Variants in PTCH1 observed in about 807,000 individuals in gnomAD.
PTCH1 encodes patched 1.
Under a neutral mutation model 144.6 loss-of-function variants are expected in PTCH1, and 14 were observed. The observed-to-expected ratio is 0.10, with a 90% CI of 0.06 to 0.15. The LOEUF (loss-of-function observed/expected upper bound fraction) is 0.15, where lower values mean the gene tolerates loss of function less well. Ranked by LOEUF, PTCH1 falls within the 10% of genes least tolerant of loss-of-function variation. The pLI, the probability that PTCH1 is intolerant of heterozygous loss-of-function variation, is 1.00. For synonymous variants in PTCH1, 833 were observed against 793.6 expected (o/e 1.05, Z -0.83); for missense variants, 1,623 against 1,948.3 (o/e 0.83, Z 3.14).
At chr9:95,479,677 T>C (rs1383612153) in intron 7 of PTCH1, among the ~76,000 whole-genome samples, 1 of 152,208 alleles carries the variant, frequency 6.6e-6, no homozygotes, top group African/African-American at 2.4e-5. Context: ...CCCGGCCTAC[T>C]TTACACCTGC....
In PTCH1 at chr9:95,469,168, A is replaced by AC; in HGVS notation, c.1848-16_1848-15insG. The stretch of plus-strand genomic sequence containing the variant: ...TGACGCAGGGGCTGAAAGGAGGGGA[A>AC]ACATGTTGCAATGTTATGCTGAAAC... On this transcript the variant is annotated splice_polypyrimidine_tract_variant and intron_variant, in intron 13 of 23. Coordinates refer to ENST00000331920, the MANE Select transcript of PTCH1 (RefSeq NM_000264.5). 6.2e-7 allele frequency: 1 copy of AC among 1,613,978 alleles called. No homozygotes were observed. The highest frequency in any genetic ancestry group is 8.5e-7 in the Non-Finnish European group (1 of 1,180,002).
rs1837633346 is a variant in PTCH1, at chr9:95,443,388, A to T, written c.*3005T>A. ...TCTCTCCCAAGTATTTTAAAGAAAA[A>T]AAGCATTCTACAAACAAAGATATAA... On this transcript the variant is annotated 3_prime_UTR_variant, in exon 24 of 24. Coordinates refer to ENST00000331920, the MANE Select transcript of PTCH1 (RefSeq NM_000264.5). 1 of 152,618 alleles carries T rather than the reference A, an allele frequency of 6.6e-6. No homozygotes were observed. The highest frequency in any genetic ancestry group is 2.1e-4 in the South Asian group (1 of 4,834). The allele number at this position is 152,618 out of a possible 1,614,324, so 9.5% of individuals were successfully genotyped here. A position where few individuals can be genotyped will look rare whatever the true frequency, so the allele number is the denominator to read the frequency against.
chr9:95,508,030 G>C lies in PTCH1; in HGVS notation c.201+131C>G. 2.0e-6 allele frequency: 3 copies of C among 1,520,094 alleles called. No homozygotes were observed. The Admixed American group carries it at 6.0e-5, about 30-fold the overall frequency. The allele number at this position is 1,520,094 out of a possible 1,614,324, so 94.2% of individuals were successfully genotyped here. A position where few individuals can be genotyped will look rare whatever the true frequency, so the allele number is the denominator to read the frequency against. The stretch of plus-strand genomic sequence containing the variant: ...CCATTTGTCTGCTGCTTTTCCTGGA[G>C]AGGTGTGAGTGAGTGTGTGTGTGTG... On this transcript the variant is annotated intron_variant, in intron 1 of 23. Coordinates refer to ENST00000331920, the MANE Select transcript of PTCH1 (RefSeq NM_000264.5).
At chr9:95,514,530 T>A (rs1844280183) in intron 1 of PTCH1, 1 of 152,196 alleles carries the variant, frequency 6.6e-6, no homozygotes, top group African/African-American at 2.4e-5. Flanking sequence ...ATTGTGTGTC[T>A]TTCTTTCATA....
rs1324810306 is a variant in PTCH1 at position 95,476,948 on chromosome 9, A to G, written c.1504-91T>C. On this transcript the variant is annotated intron_variant, in intron 10 of 23. Coordinates refer to ENST00000331920, the MANE Select transcript of PTCH1 (RefSeq NM_000264.5). The surrounding 1 kb of genome is among the most constrained non-coding windows in gnomAD (Gnocchi z 4.6). ...AGTTAGGACTCTGCCACCAGCACCT[A>G]ACAGCTCCTGAAGCAGGGCTTCCGT... is the stretch of plus-strand genomic sequence containing the variant. 7 of 1,210,976 alleles carry G rather than the reference A, an allele frequency of 5.8e-6. No homozygotes were observed. Among genetic ancestry groups the G allele is most frequent in the Non-Finnish European group, 7.2e-6 (6 of 833,102 alleles). 75.0% of individuals were successfully genotyped at this position (1,210,976 alleles called of 1,614,324 possible).
rs1352235060 is a variant in PTCH1 at position 95,467,136 on chromosome 9, T to C, written c.2540A>G (p.Tyr847Cys). 3.1e-6 allele frequency: 5 copies of C among 1,614,202 alleles called. No homozygotes were observed. Among genetic ancestry groups the C allele is most frequent in the Admixed American group, 3.3e-5 (2 of 60,032 alleles). Residue 847 changes from tyrosine (Y) to cysteine (C), a missense_variant, in exon 15 of 24, where the codon TAC becomes TGC. Transcript: ENST00000331920. ...NKQLPKMWLH[Y>C]FRDWLQGLQD... ...CTTACCCTGAAGCCAGTCTCTGAAG[T>C]AGTGCAGCCACATTTTGGGAAGCTG...
chr9:95,507,447 G>A (rs1256619611), intron 1 of PTCH1: 1 of 985,038 alleles, frequency 1.0e-6, no homozygotes, highest in African/African-American at 1.7e-5. Flanking sequence ...AGCGAGCCTC[G>A]TAAACACAAT....
At chr9:95,474,084 A>T (rs1359076038) in intron 12 of PTCH1, 1 of 503,820 alleles carries the variant, frequency 2.0e-6, no homozygotes, top group Non-Finnish European at 4.0e-6. Context: ...AGCTTTTCAG[A>T]CCACCACACC....
chr9:95,473,099 C>T (rs1840722386), intron 12 of PTCH1, among the ~76,000 whole-genome samples: 1 of 152,204 alleles, frequency 6.6e-6, no homozygotes, highest in Non-Finnish European at 1.5e-5. Context: ...ATAAACACTA[C>T]TGGGCTACCA....
At chr9:95,468,664 A>T (rs1840260760) in intron 14 of PTCH1, 87 bp downstream of exon 14, 4 of 1,533,618 alleles carry the variant, frequency 2.6e-6, no homozygotes, top group Non-Finnish European at 3.6e-6. Flanking sequence ...TTAAGGAAAA[A>T]GAAGAAAAGT....
rs1441693131 is a variant in PTCH1 at position 95,445,951 on chromosome 9, T to C, written c.*442A>G. On this transcript the variant is annotated 3_prime_UTR_variant, in exon 24 of 24. Coordinates refer to ENST00000331920, the MANE Select transcript of PTCH1 (RefSeq NM_000264.5). ...GGTTGTGATATGCAAATTTAAAATA[T>C]TTTAAACAGAAACCTTTACAAAATA... The C allele has an allele frequency of 6.2e-6, 1 of 161,070 alleles. No individual in the cohort carries two copies. The highest frequency in any genetic ancestry group is 2.4e-5 in the African/African-American group (1 of 41,744). The allele number at this position is 161,070 out of a possible 1,614,324, so 10.0% of individuals were successfully genotyped here.
chr9:95,451,418 T>C (rs1372614897), intron 20 of PTCH1: 2 of 152,234 alleles, frequency 1.3e-5, no homozygotes, highest in Non-Finnish European at 1.5e-5. Context: ...TTTTAAGTGC[T>C]TGAAAGAGGA....
At chr9:95,516,815 T>G (rs1482317637) in exon 1 of PTCH1, 3 of 1,601,924 alleles carry the variant, frequency 1.9e-6, no homozygotes, top group South Asian at 2.3e-5. Context: ...TATTAAGCAG[T>G]TCCATGGCCC....
chr9:95,492,988 T>C (rs576465077), intron 2 of PTCH1, among the ~76,000 whole-genome samples: 2 of 152,300 alleles, frequency 1.3e-5, no homozygotes, highest in East Asian at 3.9e-4. Context: ...AATCCAAGGC[T>C]TAAGCCAATT....
chr9:95,478,642 C>T (rs555436159), intron 8 of PTCH1, among the ~76,000 whole-genome samples: 2 of 152,324 alleles, frequency 1.3e-5, no homozygotes, highest in East Asian at 3.9e-4. Context: ...AAGGCCAGCT[C>T]CTGTCACATG....
chr9:95,467,141 C>G lies in PTCH1; in HGVS notation c.2535G>C (p.Leu845=), dbSNP rs1226541991. The G allele has an allele frequency of 6.2e-7, 1 of 1,614,254 alleles. No individual in the cohort carries two copies. The highest frequency in any genetic ancestry group is 1.1e-5 in the South Asian group (1 of 91,078). Reference sequence around the variant, plus strand: ...CCTGAAGCCAGTCTCTGAAGTAGTGCAGCCACATTTTGGGAAGCTGTTTGT... The same window carrying G: ...CCTGAAGCCAGTCTCTGAAGTAGTGGAGCCACATTTTGGGAAGCTGTTTGT... ...EENKQLPKMW[L]HYFRDWLQGL... is the part of the protein sequence containing the mutation. Residue 845 remains leucine (L), a synonymous_variant, in exon 15 of 24, where the codon CTG becomes CTC. Transcript: ENST00000331920.
Position 95,478,075 on chromosome 9 carries a change from C to T in PTCH1, c.1327G>A (p.Ala443Thr), listed in dbSNP as rs2118330345. The T allele has an allele frequency of 6.2e-7, 1 of 1,614,192 alleles. No individual in the cohort carries two copies. Among genetic ancestry groups the T allele is most frequent in the Non-Finnish European group, 8.5e-7 (1 of 1,180,040 alleles). ...GTTACCATGAGTAAGTAGCCGCTGG[C>T]CACGCGGATGACACTGACGTCAGAG... is the stretch of plus-strand genomic sequence containing the variant. Reference protein sequence around the residue: ...SFSDVSVIRVASGYLLMLAYA... With the variant: ...SFSDVSVIRVTSGYLLMLAYA... Residue 443 changes from alanine to threonine, a missense_variant, in exon 9 of 24, where the codon GCC (alanine) becomes ACC (threonine). By Grantham distance (58) the Ala-to-Thr change is moderately conservative (BLOSUM62 0). Transcript: ENST00000331920.
rs587780699 is a variant in PTCH1, at chr9:95,459,621, T to C, written c.2866A>G (p.Met956Val). ...TTACTTCTCAGCCTTGTTTCAGGCA[T>C]GTAGTCGGCTTTGTCGTGGACCCAT... Reference protein sequence around the residue: ...PEWVHDKADYMPETRLRIPAA... With the variant: ...PEWVHDKADYVPETRLRIPAA... Residue 956 changes from methionine to valine, a missense_variant, in exon 17 of 24, where the codon ATG (methionine) becomes GTG (valine). Physicochemically the swap from Met to Val is conservative, Grantham distance 21. Coordinates refer to ENST00000331920, the MANE Select transcript of PTCH1 (RefSeq NM_000264.5). The C allele has an allele frequency of 7.1e-5, 114 of 1,613,862 alleles. No homozygotes were observed. The highest frequency in any genetic ancestry group is 9.4e-5 in the Non-Finnish European group (111 of 1,180,034).
At chr9:95,498,799 G>A (rs1429983820) in intron 2 of PTCH1, among the ~76,000 whole-genome samples, 11 of 152,146 alleles carry the variant, frequency 7.2e-5, no homozygotes, top group Non-Finnish European at 1.0e-4. Flanking sequence ...AGAGAATCCC[G>A]CAGAGCTTCC....
Sources: gnomAD v4.1 joint callset for allele counts (sites outside exome capture counted in the v4.1 genomes callset) on GRCh38, gnomAD v4.1.1 for gene constraint, Gnocchi (gnomAD v3.1) non-coding constraint, MANE v1.5 for transcripts, NCBI Gene and HGNC (gene_info 2026-07-23, HGNC 2026-07-21) for gene names.